Variants in FAF1 observed in about 807,000 individuals in gnomAD.
FAF1 encodes the protein Fas associated factor 1, also known as FAS-associated factor 1.
A neutral mutation model predicts 92.5 loss-of-function variants in FAF1; 25 were observed. That is an observed-to-expected ratio of 0.27 (90% CI 0.20 to 0.38). The LOEUF is 0.38. Among genes scored for constraint, FAF1 ranks in the 10% least tolerant of loss-of-function variants. FAF1 has a pLI of 1.00. For missense variants in FAF1, 636 were observed against 793.3 expected (o/e 0.80, Z 2.38); for synonymous variants, 234 against 273.2 (o/e 0.86, Z 1.42).
intron 1 of FAF1, among the ~76,000 whole-genome samples, chr1:50,863,131 T>A (rs1644449741): frequency 6.6e-6 from 1 of 151,950 alleles, no homozygotes; most frequent in Non-Finnish European, 1.5e-5. Flanking sequence ...TGAGTTCCAA[T>A]CAATTTAAGA....
intron 8 of FAF1, among the ~76,000 whole-genome samples, chr1:50,608,372 A>C (rs537447304): frequency 3.9e-5 from 6 of 152,154 alleles, no homozygotes; most frequent in Admixed American, 6.5e-5. Flanking sequence ...GCACCTCAAT[A>C]GACAAAGGTT....
chr1:50,525,482 T>C (rs1267356134), intron 15 of FAF1, among the ~76,000 whole-genome samples: 5 of 152,234 alleles, frequency 3.3e-5, no homozygotes, highest in African/African-American at 4.8e-5. Flanking sequence ...GGTTTTCTCA[T>C]GTAAGATCAT....
At chr1:50,931,694 C>T (rs184939517) in intron 1 of FAF1, among the ~76,000 whole-genome samples, 4 of 151,840 alleles carry the variant, frequency 2.6e-5, no homozygotes, top group African/African-American at 9.7e-5. Context: ...AGTGAAACCC[C>T]ATCTCTACTA....
intron 8 of FAF1, among the ~76,000 whole-genome samples, chr1:50,623,047 T>C (rs1056941213): frequency 6.6e-6 from 1 of 152,214 alleles, no homozygotes; most frequent in Non-Finnish European, 1.5e-5. Flanking sequence ...TCCTACACCA[T>C]GACCCTGTTC....
intron 4 of FAF1, among the ~76,000 whole-genome samples, chr1:50,773,681 T>C (rs1188024608): frequency 1.6e-4 from 25 of 152,194 alleles, no homozygotes; most frequent in Admixed American, 1.6e-3. Context: ...GGCAAAGGCA[T>C]ACAGTGAGCT....
chr1:50,950,580 T>C (rs1645206626), intron 1 of FAF1, among the ~76,000 whole-genome samples: 1 of 152,232 alleles, frequency 6.6e-6, no homozygotes, highest in Admixed American at 6.5e-5. Context: ...GCCTGCAAGA[T>C]ATAGTTTGCT....
intron 6 of FAF1, among the ~76,000 whole-genome samples, chr1:50,715,209 G>A (rs1363930411): frequency 7.2e-5 from 11 of 152,150 alleles, no homozygotes; most frequent in African/African-American, 2.7e-4. Flanking sequence ...TAAAATGAAA[G>A]TTAACATTAT....
At chr1:50,650,275 ACT>A (rs1324180265) in intron 8 of FAF1, among the ~76,000 whole-genome samples, 8 of 135,178 alleles carry the variant, frequency 5.9e-5, no homozygotes, top group African/African-American at 2.0e-4. Flanking sequence ...CAAGAGCGAA[ACT>A]CTGTCTCAAA....
At chr1:50,802,599 T>C (rs771900180) in intron 2 of FAF1, among the ~76,000 whole-genome samples, 8 of 152,338 alleles carry the variant, frequency 5.3e-5, no homozygotes, top group Non-Finnish European at 1.2e-4. Flanking sequence ...AGGACATGTA[T>C]GTTTTTGAAG....
At chr1:50,730,329 T>TA (rs1557497987) in intron 6 of FAF1, among the ~76,000 whole-genome samples, 1 of 152,098 alleles carries the variant, frequency 6.6e-6, no homozygotes. Context: ...CTTATTACTT[T>TA]AAAAATCTCT....
intron 18 of FAF1, among the ~76,000 whole-genome samples, chr1:50,449,297 C>A (rs114912404): frequency 2.0e-3 from 302 of 152,208 alleles, no homozygotes; most frequent in African/African-American, 6.8e-3. Context: ...CACAGTCGTA[C>A]AACCAGAAAT....
At chr1:50,791,516 G>A (rs1009508164) in intron 3 of FAF1, among the ~76,000 whole-genome samples, 2 of 152,184 alleles carry the variant, frequency 1.3e-5, no homozygotes, top group African/African-American at 4.8e-5. Context: ...GAGGGGAGGA[G>A]AGACTTCTTT....
rs899205331 is a variant in FAF1, at chr1:50,500,717, G to A, written c.1495-8916C>T. On this transcript the variant is annotated intron_variant, in intron 15 of 18. Coordinates refer to ENST00000396153, the MANE Select transcript of FAF1 (RefSeq NM_007051.3). ...GACAATTGAAAATGATATTGAGTGT[G>A]CCTATGTTAAAGTATCATGTGTACC... Among the ~76,000 whole-genome samples, 222 of 152,150 alleles carry A rather than the reference G, an allele frequency of 1.5e-3. 3 individuals are homozygous for A. Among genetic ancestry groups the A allele is most frequent in the African/African-American group, 5.3e-3 (219 of 41,542 alleles).
intron 1 of FAF1, among the ~76,000 whole-genome samples, chr1:50,882,260 G>T (rs752298860): frequency 4.6e-5 from 7 of 152,130 alleles, no homozygotes; most frequent in Non-Finnish European, 1.0e-4. Flanking sequence ...AATGTACATT[G>T]TAAGAAGATC....
At chr1:50,512,379 C>G (rs1016931280) in intron 15 of FAF1, among the ~76,000 whole-genome samples, 2 of 152,142 alleles carry the variant, frequency 1.3e-5, no homozygotes, top group African/African-American at 2.4e-5. Context: ...TTAAGTCTTA[C>G]ATTTAAGTCT....
At chr1:50,747,689 C>T (rs1406631984) in intron 4 of FAF1, among the ~76,000 whole-genome samples, 3 of 152,070 alleles carry the variant, frequency 2.0e-5, no homozygotes, top group African/African-American at 7.2e-5. Flanking sequence ...TTGGGAGGGG[C>T]CACGGGTGAA....
At chr1:50,871,329 A>C (rs1570080603) in intron 1 of FAF1, among the ~76,000 whole-genome samples, 1 of 152,394 alleles carries the variant, frequency 6.6e-6, no homozygotes, top group African/African-American at 2.4e-5. Flanking sequence ...TGCTTACACT[A>C]AACAGCAGTA....
At chr1:50,926,296 T>A (rs1008291120) in intron 1 of FAF1, among the ~76,000 whole-genome samples, 2 of 152,126 alleles carry the variant, frequency 1.3e-5, no homozygotes, top group African/African-American at 4.8e-5. Context: ...TGGATAAGCC[T>A]GGAGGATACT....
chr1:50,950,021 T>G (rs532548780), intron 1 of FAF1, among the ~76,000 whole-genome samples: 9 of 152,154 alleles, frequency 5.9e-5, no homozygotes, highest in Non-Finnish European at 1.3e-4. Flanking sequence ...TATTTTTTTT[T>G]GTAGAGACAC....
Sources: allele counts gnomAD v4.1 joint callset (sites outside exome capture counted in the v4.1 genomes callset), GRCh38; gene constraint gnomAD v4.1.1; transcripts MANE v1.5; gene names NCBI Gene and HGNC (gene_info 2026-07-23, HGNC 2026-07-21).